Variants in TRHDE observed in about 807,000 individuals in gnomAD.
TRHDE encodes the protein thyrotropin releasing hormone degrading enzyme.
TRHDE carries 72 observed loss-of-function variants against 125.7 expected under a neutral mutation model. The ratio of observed to expected loss-of-function variants is 0.57; its 90% CI spans 0.47 to 0.70. The LOEUF is 0.70. TRHDE is among the 30% of genes least tolerant of loss of function. The probability of loss-of-function intolerance (pLI) is 0.00; values close to 1 mark genes in which losing one functional copy is unlikely to be tolerated. For missense variants in TRHDE, 1,110 were observed against 1,327.1 expected (o/e 0.84, Z 2.54); for synonymous variants, 509 against 509.1 (o/e 1.00, Z 0.00).
At chr12:72,509,271 C>T (rs1565770886) in intron 6 of TRHDE, among the ~76,000 whole-genome samples, 1 of 147,614 alleles carries the variant, frequency 6.8e-6, no homozygotes, top group South Asian at 2.2e-4. Flanking sequence ...ATAACCACCG[C>T]ACCCCCCCGC....
chr12:72,358,301 T>A (rs1333103808), intron 2 of TRHDE, among the ~76,000 whole-genome samples: 1 of 151,518 alleles, frequency 6.6e-6, no homozygotes, highest in African/African-American at 2.4e-5. Flanking sequence ...TCCTCTTTCT[T>A]CTCCTCCTCA....
At chr12:72,190,616 T>C (rs908152010) in intron 2 of TRHDE, among the ~76,000 whole-genome samples, 4 of 152,236 alleles carry the variant, frequency 2.6e-5, no homozygotes, top group African/African-American at 9.6e-5. Flanking sequence ...GGGCTCAGAA[T>C]GTAAAATTGT....
At chr12:72,379,978 A>G (rs1244315616) in intron 3 of TRHDE, among the ~76,000 whole-genome samples, 2 of 152,214 alleles carry the variant, frequency 1.3e-5, no homozygotes, top group Non-Finnish European at 2.9e-5. Context: ...CCCCTTACAT[A>G]AAAACCCCTA....
At chr12:72,446,277 A>G (rs11179207) in intron 3 of TRHDE, among the ~76,000 whole-genome samples, 11,597 of 150,600 alleles carry the variant, frequency 0.077, 909 homozygotes, top group East Asian at 0.42. Context: ...CATTGGGTAT[A>G]TCTCCTAATG....
chr12:72,290,721 C>A lies in TRHDE; in HGVS notation c.1188+3767C>A, dbSNP rs181037357. Among the ~76,000 whole-genome samples the A allele has an allele frequency of 3.5e-4, 53 of 152,298 alleles. 1 individual carries two copies. In the East Asian group the frequency reaches 0.01, roughly 29 times the overall value. ...GCTAAGGCTGTCAGCCATATATCCA[C>A]GTGTGGCTTCTTCATGTGGCCTGGC... On this transcript the variant is annotated intron_variant, in intron 2 of 18. Transcript: ENST00000261180.
Position 72,670,326 on chromosome 12 carries a change from G to A in TRHDE, c.*7131G>A, listed in dbSNP as rs1159738092. On this transcript the variant is annotated 3_prime_UTR_variant, in exon 19 of 19. Transcript: ENST00000261180. ...TATTCAGTAAAAATTGAATTAGTAC[G>A]TATTCAACATGAAATTTTTAGTCTT... The A allele has an allele frequency of 1.3e-5, 2 of 151,494 alleles. No homozygotes were observed. The highest frequency in any genetic ancestry group is 1.5e-5 in the Non-Finnish European group (1 of 67,702). The allele number at this position is 151,494 out of a possible 1,614,324, so 9.4% of individuals were successfully genotyped here.
At chr12:72,646,185 G>A (rs1354488301) in intron 15 of TRHDE, among the ~76,000 whole-genome samples, 1 of 152,082 alleles carries the variant, frequency 6.6e-6, no homozygotes, top group African/African-American at 2.4e-5. Context: ...TACACAATAT[G>A]AATAGGTACA....
At chr12:72,536,219 C>T (rs536689446) in intron 6 of TRHDE, among the ~76,000 whole-genome samples, 1 of 152,204 alleles carries the variant, frequency 6.6e-6, no homozygotes, top group South Asian at 2.1e-4. Context: ...TCATTACCAA[C>T]TTATTTTAGG....
chr12:72,272,866 A>G lies in TRHDE; in HGVS notation c.223A>G (p.Thr75Ala). The change falls in exon 1 of 19, where the codon ACG becomes GCG. Residue 75 changes from threonine (T) to alanine (A), a missense_variant. By Grantham distance (58) the Thr-to-Ala change is moderately conservative. Transcript: ENST00000261180. The surrounding 1 kb of genome is among the most constrained non-coding windows in gnomAD (Gnocchi z 6.7). ...CTCAGTGGGAGTGCGACCCCGCACC[A>G]CGGAGCGCCACATCGCCGTACACAA... The part of the protein sequence containing the change: ...ADSVGVRPRT[T>A]ERHIAVHKRL... 6.3e-7 allele frequency: 1 copy of G among 1,580,390 alleles called. No individual in the cohort carries two copies. The highest frequency in any genetic ancestry group is 8.5e-7 in the Non-Finnish European group (1 of 1,171,334).
At chr12:72,548,481 T>G (rs908403036) in intron 7 of TRHDE, among the ~76,000 whole-genome samples, 2 of 151,930 alleles carry the variant, frequency 1.3e-5, no homozygotes, top group South Asian at 4.1e-4. Context: ...TAAATTAGAA[T>G]CTACTTCTTT....
rs1875135620 is a variant in TRHDE, at chr12:72,666,996, A to G, written c.*3801A>G. On this transcript the variant is annotated 3_prime_UTR_variant, in exon 19 of 19. Coordinates refer to ENST00000261180, the MANE Select transcript of TRHDE (RefSeq NM_013381.3). ...ATTCTGTCTATAGTAACAGATGGTC[A>G]GAATGCAGATAAATTGTGTGCATCT... The G allele has an allele frequency of 6.6e-6, 1 of 152,054 alleles. No homozygotes were observed. Among genetic ancestry groups the G allele is most frequent in the Admixed American group, 6.6e-5 (1 of 15,240 alleles). The allele number at this position is 152,054 out of a possible 1,614,324, so 9.4% of individuals were successfully genotyped here.
chr12:72,352,770 T>G (rs1870641041), intron 2 of TRHDE, among the ~76,000 whole-genome samples: 1 of 151,742 alleles, frequency 6.6e-6, no homozygotes, highest in Admixed American at 6.6e-5. Flanking sequence ...GTTTTATAAA[T>G]GATTGCTAAG....
chr12:72,506,969 A>G (rs1483250519), intron 6 of TRHDE, among the ~76,000 whole-genome samples: 1 of 152,116 alleles, frequency 6.6e-6, no homozygotes, highest in African/African-American at 2.4e-5. Flanking sequence ...TTCTCCTGAT[A>G]GTGAGTGAGT....
At chr12:72,658,221 G>T (rs1038154874) in intron 18 of TRHDE, among the ~76,000 whole-genome samples, 7 of 152,198 alleles carry the variant, frequency 4.6e-5, no homozygotes, top group African/African-American at 1.7e-4. Flanking sequence ...TAAATGGAAA[G>T]GACTGTTTTC....
intron 2 of TRHDE, among the ~76,000 whole-genome samples, chr12:72,342,472 T>A (rs1001994785): frequency 6.6e-6 from 1 of 152,132 alleles, no homozygotes; most frequent in Non-Finnish European, 1.5e-5. Flanking sequence ...TCTTTTTGAA[T>A]ATACTCTTCC....
intron 2 of TRHDE, among the ~76,000 whole-genome samples, chr12:72,356,692 T>C (rs956095495): frequency 3.3e-5 from 5 of 151,396 alleles, no homozygotes; most frequent in African/African-American, 1.2e-4. Context: ...AAATGATAGA[T>C]TAAAAATTTG....
chr12:72,579,432 A>G (rs1057490453), intron 12 of TRHDE, among the ~76,000 whole-genome samples: 1 of 152,170 alleles, frequency 6.6e-6, no homozygotes, highest in Non-Finnish European at 1.5e-5. Flanking sequence ...AATTAAAAAC[A>G]AAAGATTAAA....
intron 2 of TRHDE, among the ~76,000 whole-genome samples, chr12:72,227,431 G>A (rs1021029122): frequency 6.6e-6 from 1 of 152,108 alleles, no homozygotes; most frequent in African/African-American, 2.4e-5. Context: ...CACAAGAACA[G>A]CATGGGAAAG....
intron 2 of TRHDE, among the ~76,000 whole-genome samples, chr12:72,159,987 A>T (rs906844364): frequency 6.6e-6 from 1 of 151,932 alleles, no homozygotes; most frequent in Non-Finnish European, 1.5e-5. Context: ...TTATTTTCTA[A>T]ATCTAATTGT....
Sources: allele counts gnomAD v4.1 joint callset (sites outside exome capture counted in the v4.1 genomes callset), GRCh38; gene constraint gnomAD v4.1.1; non-coding constraint Gnocchi (gnomAD v3.1); transcripts MANE v1.5; gene names NCBI Gene and HGNC (gene_info 2026-07-23, HGNC 2026-07-21).